The following NLGN4X variants were observed in gnomAD, a reference collection of about 807,000 sequenced individuals.
The protein encoded by NLGN4X is neuroligin-4, X-linked.
Under a neutral mutation model 40.3 loss-of-function variants are expected in NLGN4X, and 3 were observed. That is an observed-to-expected ratio of 0.07 (90% confidence interval 0.03 to 0.19). NLGN4X has a LOEUF of 0.19. Among genes scored for constraint, NLGN4X ranks in the 10% least tolerant of loss-of-function variants. NLGN4X has a pLI of 1.00. For synonymous variants in NLGN4X, 270 were observed against 306.8 expected (o/e 0.88, Z 1.25); for missense variants, 382 against 708.3 (o/e 0.54, Z 5.23).
intron 2 of NLGN4X, among the ~76,000 whole-genome samples, chrX:6,109,033 A>G (rs1458842039): frequency 8.9e-6 from 1 of 112,344 alleles, no homozygotes; most frequent in Non-Finnish European, 1.9e-5. Context: ...AGGCCAATGC[A>G]GGAAGATTGC....
chrX:6,096,418 C>T (rs181779157), intron 2 of NLGN4X, among the ~76,000 whole-genome samples: 2 of 111,285 alleles, frequency 1.8e-5, no homozygotes, highest in East Asian at 2.8e-4. Flanking sequence ...ATAATGCCCC[C>T]GATAAAATGT....
chrX:6,017,351 G>A (rs2036420469), intron 3 of NLGN4X, among the ~76,000 whole-genome samples: 3 of 112,041 alleles, frequency 2.7e-5, no homozygotes, highest in Admixed American at 9.5e-5. Context: ...GAAATGCTAA[G>A]CATGTTTTAA....
chrX:6,171,961 C>T (rs2040615805), intron 1 of NLGN4X, among the ~76,000 whole-genome samples: 1 of 110,864 alleles, frequency 9.0e-6, no homozygotes, highest in African/African-American at 3.3e-5. Flanking sequence ...GGCTGTAGCA[C>T]GTCCTCTCTC....
At chrX:5,909,447 A>G (rs766165824) in intron 3 of NLGN4X, among the ~76,000 whole-genome samples, 2 of 111,589 alleles carry the variant, frequency 1.8e-5, no homozygotes, top group African/African-American at 6.5e-5. Flanking sequence ...ATGTTATGAT[A>G]CCATGGCATC....
At chrX:6,219,549 TTTC>T (rs1476906542) in intron 1 of NLGN4X, among the ~76,000 whole-genome samples, 1 of 19,562 alleles carries the variant, frequency 5.1e-5, no homozygotes, top group Non-Finnish European at 8.9e-5. Flanking sequence ...TTCTCTTTTC[TTTC>T]TTTCTTTCTT....
intron 2 of NLGN4X, among the ~76,000 whole-genome samples, chrX:6,139,582 A>C (rs2039897021): frequency 8.9e-6 from 1 of 112,208 alleles, no homozygotes; most frequent in Admixed American, 9.5e-5. Flanking sequence ...TACGCTCTGC[A>C]TATTCACTCA....
chrX:5,962,803 C>A (rs1173048561), intron 3 of NLGN4X, among the ~76,000 whole-genome samples: 3 of 111,949 alleles, frequency 2.7e-5, no homozygotes, highest in African/African-American at 6.5e-5. Context: ...CATGTGAGGA[C>A]ACAGGGAGAA....
chrX:5,938,414 C>G (rs1030172006), intron 3 of NLGN4X, among the ~76,000 whole-genome samples: 1 of 109,785 alleles, frequency 9.1e-6, no homozygotes, highest in African/African-American at 3.3e-5. Flanking sequence ...GATCAGGGGT[C>G]AAGAGTCAAG....
chrX:5,908,433 T>A (rs1250613741), intron 4 of NLGN4X, among the ~76,000 whole-genome samples: 1 of 111,669 alleles, frequency 9.0e-6, no homozygotes, highest in Non-Finnish European at 1.9e-5. Context: ...GCATCCCTTA[T>A]CGACATACTG....
intron 2 of NLGN4X, among the ~76,000 whole-genome samples, chrX:6,143,713 G>A (rs1280320607): frequency 9.0e-6 from 1 of 111,661 alleles, no homozygotes; most frequent in Non-Finnish European, 1.9e-5. Flanking sequence ...GTCACTGGGC[G>A]TGGTGGCTCA....
chrX:5,896,775 G>C (rs1284334247), intron 5 of NLGN4X, among the ~76,000 whole-genome samples: 1 of 111,879 alleles, frequency 8.9e-6, no homozygotes, highest in Non-Finnish European at 1.9e-5. Flanking sequence ...AACATTGTTC[G>C]CAGTTAACGA....
chrX:6,056,923 G>A (rs1194128046), intron 2 of NLGN4X, among the ~76,000 whole-genome samples: 1 of 111,948 alleles, frequency 8.9e-6, no homozygotes, highest in African/African-American at 3.2e-5. Flanking sequence ...ACGTCAGCAG[G>A]AACTGGATCA....
intron 2 of NLGN4X, among the ~76,000 whole-genome samples, chrX:6,112,285 G>A (rs1400646707): frequency 2.7e-5 from 3 of 111,362 alleles, no homozygotes; most frequent in African/African-American, 9.8e-5. Flanking sequence ...ACCTGCAGAC[G>A]TAATCCTTGG....
intron 3 of NLGN4X, among the ~76,000 whole-genome samples, chrX:5,917,450 G>A (rs532776145): frequency 4.4e-5 from 5 of 112,690 alleles, no homozygotes; most frequent in African/African-American, 1.3e-4. Flanking sequence ...CATTTGCTTG[G>A]TGACTGCTTT....
At chrX:5,944,206 G>A (rs2146918690) in intron 3 of NLGN4X, among the ~76,000 whole-genome samples, 1 of 111,807 alleles carries the variant, frequency 8.9e-6, no homozygotes, top group South Asian at 3.7e-4. Context: ...CCTCTGCTGT[G>A]AACAGCAAGC....
At chrX:6,017,068 A>G (rs12387703) in intron 3 of NLGN4X, among the ~76,000 whole-genome samples, 37,586 of 110,500 alleles carry the variant, frequency 0.34, 5,375 homozygotes, top group East Asian at 0.77. Context: ...ACTAAAGGCC[A>G]TTGAATTGCA....
Position 6,190,045 on chromosome X carries a change from C to A in NLGN4X, c.-305-38274G>T, listed in dbSNP as rs375983474. On this transcript the variant is annotated intron_variant, in intron 1 of 5. Coordinates refer to ENST00000381095, the MANE Select transcript of NLGN4X (RefSeq NM_181332.3). ...TATACTAGATAAAAATAGCAAACAGCTGATCAATCATTTTTCCAAGTATGA... is the reference window on the plus strand; with the variant it reads ...TATACTAGATAAAAATAGCAAACAGATGATCAATCATTTTTCCAAGTATGA... 3.7e-5 allele frequency among the ~76,000 whole-genome samples: 4 copies of A among 108,429 alleles called. No individual in the cohort carries two copies. In the South Asian group the frequency reaches 1.2e-3, roughly 33 times the overall value. 94.2% of individuals were successfully genotyped at this position (108,429 alleles called of 115,157 possible).
At chrX:6,225,899 C>CA (rs1556015927) in intron 1 of NLGN4X, among the ~76,000 whole-genome samples, 13,819 of 84,226 alleles carry the variant, frequency 0.16, 1,711 homozygotes, top group African/African-American at 0.36. Flanking sequence ...CCGCCCCCCC[C>CA]AAAAAAAATG....
chrX:6,225,681 C>CTTTTTTTTTTTTTTTTTTTTTTTTT lies in NLGN4X; in HGVS notation c.-306+2859_-306+2860insAAAAAAAAAAAAAAAAAAAAAAAAA, dbSNP rs1569309354. On this transcript the variant is annotated intron_variant, in intron 1 of 5. Transcript: ENST00000381095. ...CTTTTTCTTTTCCTTTTTTTTCTTT[C>CTTTTTTTTTTTTTTTTTTTTTTTTT]TTTTTTTCTTTTTTTTTTTTTTTTT... 8.6e-4 allele frequency among the ~76,000 whole-genome samples: 29 copies of CTTTTTTTTTTTTTTTTTTTTTTTTT among 33,800 alleles called. 2 individuals carry two copies. The highest frequency in any genetic ancestry group is 1.2e-3 in the Non-Finnish European group (24 of 19,965). The allele number at this position is 33,800 out of a possible 115,157, so 29.4% of individuals were successfully genotyped here.
Sources: allele counts gnomAD v4.1 joint callset (sites outside exome capture counted in the v4.1 genomes callset), GRCh38; gene constraint gnomAD v4.1.1; transcripts MANE v1.5; gene names NCBI Gene and HGNC (gene_info 2026-07-23, HGNC 2026-07-21).